The following GALNT2 variants were observed in gnomAD, a reference collection of about 807,000 sequenced individuals.
The protein encoded by GALNT2 is UDP-GalNAc:polypeptide N-acetylgalactosaminyltransferase 2.
In GALNT2, 31 loss-of-function variants were observed where a neutral mutation model predicts 81.4. That is an observed-to-expected ratio of 0.38 (90% CI 0.29 to 0.51). The LOEUF is 0.51. GALNT2 is among the 20% of genes least tolerant of loss of function. The pLI is 0.87. For synonymous variants in GALNT2, 303 were observed against 287.4 expected (o/e 1.05, Z -0.55); for missense variants, 629 against 765.7 (o/e 0.82, Z 2.11).
At position 230,281,211 on chromosome 1, in the gene GALNT2, G is replaced by A. The variant is rs920247063; in HGVS notation, c.*1753G>A. 1 of 152,456 alleles carries A rather than the reference G, an allele frequency of 6.6e-6. No individual in the cohort carries two copies. Among genetic ancestry groups the A allele is most frequent in the African/African-American group, 2.4e-5 (1 of 41,450 alleles). 9.4% of individuals were successfully genotyped at this position (152,456 alleles called of 1,614,324 possible). On this transcript the variant is annotated 3_prime_UTR_variant, in exon 16 of 16. Transcript: ENST00000366672. Reference sequence around the variant, plus strand: ...CCTCCCCGGCGGGAGCCCCACATGTGTGCACTGTAGGACAGCGGCCCCGAG... The same window carrying A: ...CCTCCCCGGCGGGAGCCCCACATGTATGCACTGTAGGACAGCGGCCCCGAG...
chr1:230,211,872 G>A (rs1289790344), intron 3 of GALNT2, among the ~76,000 whole-genome samples: 3 of 152,134 alleles, frequency 2.0e-5, no homozygotes, highest in Non-Finnish European at 4.4e-5. Context: ...CAGAAGGCTC[G>A]GAACTCAGAC....
chr1:230,117,527 A>G (rs781289192), intron 1 of GALNT2, among the ~76,000 whole-genome samples: 7 of 152,202 alleles, frequency 4.6e-5, no homozygotes, highest in African/African-American at 1.4e-4. Context: ...AAGGTTACCA[A>G]TTGGCCTAAT....
At chr1:230,203,070 G>A in intron 2 of GALNT2, 67 bp from the exon 3 acceptor site, 1 of 1,514,654 alleles carries the variant, frequency 6.6e-7, no homozygotes, top group Non-Finnish European at 9.0e-7. Context: ...AACACTTACT[G>A]CAGTCTCTGT....
intron 10 of GALNT2, among the ~76,000 whole-genome samples, chr1:230,254,737 A>C (rs535855624): frequency 6.6e-6 from 1 of 152,212 alleles, no homozygotes; most frequent in Non-Finnish European, 1.5e-5. Context: ...ATAAAGCTTA[A>C]TTGTACATAT....
chr1:230,142,681 G>A (rs1464878892), intron 1 of GALNT2, among the ~76,000 whole-genome samples: 1 of 151,354 alleles, frequency 6.6e-6, no homozygotes, highest in African/African-American at 2.4e-5. Context: ...AGTCTAAAGT[G>A]TAACTTTCCT....
intron 1 of GALNT2, among the ~76,000 whole-genome samples, chr1:230,107,888 G>A (rs1660588575): frequency 6.6e-6 from 1 of 152,204 alleles, no homozygotes; most frequent in Non-Finnish European, 1.5e-5. Context: ...GCTGTGAGTT[G>A]AGAATCCTAG....
chr1:230,145,597 G>C (rs116468714), intron 1 of GALNT2, among the ~76,000 whole-genome samples: 1 of 152,238 alleles, frequency 6.6e-6, no homozygotes, highest in Admixed American at 6.5e-5. Flanking sequence ...ACATTTACAC[G>C]GTTTTCTTTT....
At chr1:230,153,845 G>A (rs561931123) in intron 1 of GALNT2, among the ~76,000 whole-genome samples, 1 of 152,336 alleles carries the variant, frequency 6.6e-6, no homozygotes, top group East Asian at 1.9e-4. Flanking sequence ...TCACTCTGTG[G>A]AGGGGTCTGG....
intron 1 of GALNT2, among the ~76,000 whole-genome samples, chr1:230,122,952 C>T (rs1054390688): frequency 1.3e-5 from 2 of 152,078 alleles, no homozygotes; most frequent in Non-Finnish European, 2.9e-5. Context: ...TAATAACTTG[C>T]TTGGGGCTAC....
At chr1:230,244,495 T>G (rs1487982426) in intron 7 of GALNT2, among the ~76,000 whole-genome samples, 1 of 103,814 alleles carries the variant, frequency 9.6e-6, no homozygotes, top group Admixed American at 1.5e-4. Flanking sequence ...ACCCCACAAC[T>G]TCTTGCTCTC....
chr1:230,274,428 C>G lies in GALNT2; in HGVS notation c.1441-17C>G, dbSNP rs756711339. 1.2e-6 allele frequency: 2 copies of G among 1,612,758 alleles called. No individual in the cohort carries two copies. The highest frequency in any genetic ancestry group is 1.3e-5 in the African/African-American group (1 of 75,016). On this transcript the variant is annotated splice_polypyrimidine_tract_variant and intron_variant, in intron 14 of 15. Coordinates refer to ENST00000366672, the MANE Select transcript of GALNT2 (RefSeq NM_004481.5). The stretch of plus-strand genomic sequence containing the variant: ...CCGGTGCATAGCACGCCTCTGACTT[C>G]TGGTTTTGTGTTCCAGGAATGGGCC...
At chr1:230,146,229 A>G (rs1015415959) in intron 1 of GALNT2, among the ~76,000 whole-genome samples, 1 of 152,004 alleles carries the variant, frequency 6.6e-6, no homozygotes, top group Non-Finnish European at 1.5e-5. Flanking sequence ...CTCCCTTTTC[A>G]TGTATCTCGT....
chr1:230,260,231 C>G (rs1230733123), intron 11 of GALNT2, among the ~76,000 whole-genome samples: 1 of 152,140 alleles, frequency 6.6e-6, no homozygotes, highest in Non-Finnish European at 1.5e-5. Context: ...TTGCAAATAC[C>G]TGCAAAAACA....
chr1:230,250,131 A>C (rs1162965275), intron 9 of GALNT2, among the ~76,000 whole-genome samples: 1 of 152,236 alleles, frequency 6.6e-6, no homozygotes, highest in African/African-American at 2.4e-5. Context: ...TGACACACAG[A>C]AAGGCCGAGT....
intron 3 of GALNT2, among the ~76,000 whole-genome samples, chr1:230,218,785 C>CTT (rs147772088): frequency 0.044 from 6,730 of 152,272 alleles, 192 homozygotes; most frequent in Non-Finnish European, 0.065. Flanking sequence ...CCAAAATAGG[C>CTT]TTAAAGCAGG....
chr1:230,120,773 C>G (rs1250279039), intron 1 of GALNT2, among the ~76,000 whole-genome samples: 2 of 152,194 alleles, frequency 1.3e-5, no homozygotes, highest in African/African-American at 4.8e-5. Context: ...CTGCCGGTAT[C>G]TTCTTTCCAG....
chr1:230,249,703 G>A (rs1029327761), intron 9 of GALNT2, among the ~76,000 whole-genome samples: 9 of 152,190 alleles, frequency 5.9e-5, no homozygotes, highest in African/African-American at 1.4e-4. Flanking sequence ...TTCCCAGGCC[G>A]GGCGGTGGGC....
At chr1:230,092,082 C>T (rs887913024) in intron 1 of GALNT2, 4 of 151,888 alleles carry the variant, frequency 2.6e-5, no homozygotes, top group Admixed American at 6.6e-5. Context: ...ATACATCTGA[C>T]TTTCAACATT....
intron 1 of GALNT2, chr1:230,091,828 C>T (rs1454777864): frequency 1.3e-5 from 2 of 152,522 alleles, no homozygotes; most frequent in African/African-American, 2.4e-5. Context: ...GATCCCACCA[C>T]TCCTCCAAGG....
Sources: allele counts gnomAD v4.1 joint callset (sites outside exome capture counted in the v4.1 genomes callset), GRCh38; gene constraint gnomAD v4.1.1; transcripts MANE v1.5; gene names NCBI Gene and HGNC (gene_info 2026-07-23, HGNC 2026-07-21).